The following PAQR3 variants were observed in gnomAD, a reference collection of about 807,000 sequenced individuals.
PAQR3 encodes the protein progestin and adipoQ receptor family member 3, also known as Raf kinase trapping to Golgi.
Under a neutral mutation model 41.7 loss-of-function variants are expected in PAQR3, and 39 were observed. The observed-to-expected ratio is 0.93, with a 90% CI of 0.72 to 1.22. The LOEUF (loss-of-function observed/expected upper bound fraction) is 1.22, where lower values mean the gene tolerates loss of function less well. Among genes scored for constraint, PAQR3 ranks in the 50% most tolerant of loss-of-function variants. The pLI, the probability that PAQR3 is intolerant of heterozygous loss-of-function variation, is 0.00. For missense variants in PAQR3, 366 were observed against 385.6 expected (o/e 0.95, Z 0.42); for synonymous variants, 140 against 140.6 (o/e 1.00, Z 0.03).
intron 1 of PAQR3, among the ~76,000 whole-genome samples, chr4:78,937,652 C>A (rs1170019015): frequency 6.6e-6 from 1 of 152,072 alleles, no homozygotes; most frequent in African/African-American, 2.4e-5. Flanking sequence ...CTGTGATTAC[C>A]CTCATTTTTA....
chr4:78,896,956 G>A (rs1037165473), intron 11 of PAQR3, among the ~76,000 whole-genome samples: 6 of 152,050 alleles, frequency 3.9e-5, no homozygotes, highest in Non-Finnish European at 8.8e-5. Context: ...CCCACTGGAA[G>A]TTTTCAAAAA....
At chr4:78,938,555 T>C (rs553316745) in intron 1 of PAQR3, among the ~76,000 whole-genome samples, 2 of 152,242 alleles carry the variant, frequency 1.3e-5, no homozygotes, top group African/African-American at 4.8e-5. Flanking sequence ...ACAAGGGCCA[T>C]GTTTGCTTTT....
chr4:78,898,080 A>T (rs747261135), intron 11 of PAQR3, among the ~76,000 whole-genome samples: 2 of 152,194 alleles, frequency 1.3e-5, no homozygotes, highest in Non-Finnish European at 2.9e-5. Flanking sequence ...ACTTACAGGA[A>T]TGAAGAGGGC....
At chr4:78,931,805 G>T (rs903210563) in intron 2 of PAQR3, among the ~76,000 whole-genome samples, 1 of 152,176 alleles carries the variant, frequency 6.6e-6, no homozygotes, top group Non-Finnish European at 1.5e-5. Context: ...ATGGCTGGGG[G>T]CAGGGATTAA....
downstream of PAQR3, chr4:78,911,830 C>T (rs781446428): frequency 6.1e-5 from 98 of 1,613,828 alleles, no homozygotes; most frequent in Non-Finnish European, 8.1e-5. Flanking sequence ...CCGTGCTGAT[C>T]ACAATACTGT....
At chr4:78,910,466 C>A, downstream of PAQR3, 1 of 698,098 alleles carries the variant, frequency 1.4e-6, no homozygotes, top group Non-Finnish European at 2.3e-6. Flanking sequence ...AGTCTAATGA[C>A]GAAGAATTGA....
Position 78,915,113 on chromosome 4 carries a change from A to G in PAQR3, c.*5426T>C, listed in dbSNP as rs1734931572. ...TAACTGACTAGAACATTTATTCAGG[A>G]GTGTAATTATTTTCCCTTACCCCAA... On this transcript the variant is annotated 3_prime_UTR_variant, in exon 6 of 6. Transcript: ENST00000512733. 1 of 152,026 alleles carries G rather than the reference A, an allele frequency of 6.6e-6. No individual in the cohort carries two copies. Among genetic ancestry groups the G allele is most frequent in the African/African-American group, 2.4e-5 (1 of 41,428 alleles). 9.4% of individuals were successfully genotyped at this position (152,026 alleles called of 1,614,324 possible). A position where few individuals can be genotyped will look rare whatever the true frequency, so the allele number is the denominator to read the frequency against.
At chr4:78,932,390 G>C (rs1252102438) in intron 2 of PAQR3, among the ~76,000 whole-genome samples, 1 of 152,040 alleles carries the variant, frequency 6.6e-6, no homozygotes, top group Non-Finnish European at 1.5e-5. Flanking sequence ...CTCATTGATG[G>C]GGAAAGATCC....
At chr4:78,938,852 T>C (rs769417828) in intron 1 of PAQR3, among the ~76,000 whole-genome samples, 188 bp downstream of exon 1, 9 of 151,576 alleles carry the variant, frequency 5.9e-5, no homozygotes, top group Non-Finnish European at 1.0e-4. Context: ...GATTATTCCG[T>C]GGACCAAGTA....
intron 1 of PAQR3, among the ~76,000 whole-genome samples, chr4:78,936,104 C>T (rs1737403361): frequency 6.6e-6 from 1 of 152,194 alleles, no homozygotes; most frequent in African/African-American, 2.4e-5. Context: ...CTCCCGGCTT[C>T]AGTTTCTTCA....
At position 78,922,381 on chromosome 4, in the gene PAQR3, G is replaced by A. The variant is rs1375954620; in HGVS notation, c.793+1476C>T. The A allele has an allele frequency of 3.9e-6, 5 of 1,288,600 alleles. 1 individual carries two copies. Among genetic ancestry groups the A allele is most frequent in the Middle Eastern group, 4.2e-4 (2 of 4,714 alleles). The allele number at this position is 1,288,600 out of a possible 1,614,324, so 79.8% of individuals were successfully genotyped here. A position where few individuals can be genotyped will look rare whatever the true frequency, so the allele number is the denominator to read the frequency against. ...TTTCTTCTTTCCCAACACACGTGAC[G>A]AGTGGTACAATCCCTTCTCTGATTC... On this transcript the variant is annotated intron_variant, in intron 5 of 5. Coordinates refer to ENST00000512733, the MANE Select transcript of PAQR3 (RefSeq NM_001040202.2).
downstream of PAQR3, chr4:78,887,102 A>C (rs1335664293): frequency 3.8e-6 from 4 of 1,054,022 alleles, no homozygotes; most frequent in Non-Finnish European, 4.2e-6. Context: ...ATTTATATGT[A>C]TATCACTTTT....
chr4:78,919,373 T>A lies in PAQR3; in HGVS notation c.*1166A>T, dbSNP rs956468150. 2.0e-5 allele frequency: 20 copies of A among 984,150 alleles called. No homozygotes were observed. In the African/African-American group the frequency reaches 3.5e-4, roughly 17 times the overall value. The allele number at this position is 984,150 out of a possible 1,614,324, so 61.0% of individuals were successfully genotyped here. ...CTAATGCATATGAAAGACCAAAGAA[T>A]AAGAGGGCTACAATGTATGATAGGG... On this transcript the variant is annotated 3_prime_UTR_variant, in exon 6 of 6. Coordinates refer to ENST00000512733, the MANE Select transcript of PAQR3 (RefSeq NM_001040202.2).
chr4:78,887,341 C>A, intron 12 of PAQR3: 1 of 1,264,998 alleles, frequency 7.9e-7, no homozygotes, highest in Non-Finnish European at 1.1e-6. Flanking sequence ...AGAACAACAG[C>A]AAAATCTTAT....
intron 2 of PAQR3, among the ~76,000 whole-genome samples, chr4:78,933,918 C>G (rs1248056510): frequency 6.6e-6 from 1 of 152,050 alleles, no homozygotes; most frequent in Non-Finnish European, 1.5e-5. Flanking sequence ...ATGCATATAA[C>G]TAACAAGAAT....
At chr4:78,898,437 TATTGA>T (rs1358514901) in intron 11 of PAQR3, among the ~76,000 whole-genome samples, 2 of 151,750 alleles carry the variant, frequency 1.3e-5, no homozygotes, top group East Asian at 3.9e-4. Flanking sequence ...AATAGTTATA[TATTGA>T]ATTAAACTGG....
At chr4:78,908,745 T>A (rs956849735), downstream of PAQR3, among the ~76,000 whole-genome samples, 15 of 152,316 alleles carry the variant, frequency 9.8e-5, no homozygotes, top group South Asian at 4.1e-4. Flanking sequence ...ACTCATTTTT[T>A]AAAAAATTAT....
downstream of PAQR3, chr4:78,910,905 T>A: frequency 3.1e-6 from 5 of 1,613,922 alleles, no homozygotes; most frequent in Non-Finnish European, 4.2e-6. Context: ...GTCATAGGCC[T>A]CTCCTCATGG....
chr4:78,924,168 C>A (rs1452316043), intron 4 of PAQR3, among the ~76,000 whole-genome samples: 1 of 152,102 alleles, frequency 6.6e-6, no homozygotes, highest in African/African-American at 2.4e-5. Context: ...AGAGCTTTAA[C>A]ATGCTGAAGT....
Sources: gnomAD v4.1 joint callset for allele counts (sites outside exome capture counted in the v4.1 genomes callset) on GRCh38, gnomAD v4.1.1 for gene constraint, MANE v1.5 for transcripts, NCBI Gene and HGNC (gene_info 2026-07-23, HGNC 2026-07-21) for gene names.